The following PPP1R37 variants were observed in gnomAD, a reference collection of about 807,000 sequenced individuals.
PPP1R37 encodes protein phosphatase 1 regulatory subunit 37.
In PPP1R37, 21 loss-of-function variants were observed where a neutral mutation model predicts 61.0. That is an observed-to-expected ratio of 0.34 (90% CI 0.24 to 0.50). The LOEUF is 0.50. Among genes scored for constraint, PPP1R37 ranks in the 20% least tolerant of loss-of-function variants. PPP1R37 has a pLI of 0.98. For synonymous variants in PPP1R37, 443 were observed against 433.5 expected, an observed-to-expected ratio of 1.02 and a Z score of -0.27; for missense variants, 910 against 952.7, an observed-to-expected ratio of 0.96 and a Z score of 0.59.
Position 45,118,803 on chromosome 19 carries a change from G to A in PPP1R37, c.203-19711G>A, listed in dbSNP as rs148008017. Among the ~76,000 whole-genome samples the A allele has an allele frequency of 1.4e-3, 216 of 152,190 alleles. 1 individual carries two copies. The highest frequency in any genetic ancestry group is 9.8e-4 in the Admixed American group (15 of 15,278). ...CACGTTCACTGAGCACCTGCTGGCC[G>A]GGCCCCAGGGAGCCACCCAGGTGGC... On this transcript the variant is annotated intron_variant, in intron 1 of 12. Coordinates refer to ENST00000221462, the MANE Select transcript of PPP1R37 (RefSeq NM_019121.2).
intron 1 of PPP1R37, chr19:45,135,864 C>A (rs1968533677): frequency 6.7e-6 from 1 of 148,580 alleles, no homozygotes; most frequent in African/African-American, 2.5e-5. Context: ...CTCACTGTAA[C>A]CTCTGCCTCC....
At chr19:45,126,842 C>T (rs1049428914) in intron 1 of PPP1R37, among the ~76,000 whole-genome samples, 11 of 152,304 alleles carry the variant, frequency 7.2e-5, no homozygotes, top group South Asian at 2.1e-4. Flanking sequence ...GATTATCTGC[C>T]GGAAGCCTCA....
In PPP1R37 at chr19:45,145,739, C is replaced by T. The variant is rs535576738; in HGVS notation, c.1683C>T (p.Ser561=). The change falls in exon 11 of 13, where the codon AGC becomes AGT. Residue 561 remains serine (S), a synonymous_variant. Transcript: ENST00000221462. ...CCGAGCAGCGGATTTCCGTGTCCAGCCCGGGCCGGGGCCACAAGGTGTTTG... is the reference window on the plus strand; with the variant it reads ...CCGAGCAGCGGATTTCCGTGTCCAGTCCGGGCCGGGGCCACAAGGTGTTTG... ...TPTEQRISVS[S]PGRGHKVFVV... 2.0e-6 allele frequency: 3 copies of T among 1,530,440 alleles called. No homozygotes were observed. The highest frequency in any genetic ancestry group is 1.2e-5 in the South Asian group (1 of 83,166). The allele number at this position is 1,530,440 out of a possible 1,614,324, so 94.8% of individuals were successfully genotyped here.
At chr19:45,120,301 G>A (rs1188171702) in intron 1 of PPP1R37, among the ~76,000 whole-genome samples, 3 of 152,180 alleles carry the variant, frequency 2.0e-5, no homozygotes, top group African/African-American at 7.2e-5. Flanking sequence ...AGAGGCGTGA[G>A]CCACCGCACC....
chr19:45,135,666 C>T (rs558061996), intron 1 of PPP1R37, among the ~76,000 whole-genome samples: 6 of 152,094 alleles, frequency 3.9e-5, no homozygotes, highest in South Asian at 2.1e-4. Context: ...TTCACAGAGT[C>T]GATGCGTTCG....
intron 1 of PPP1R37, among the ~76,000 whole-genome samples, chr19:45,134,790 C>T (rs59876715): frequency 1.7e-3 from 259 of 152,220 alleles, no homozygotes; most frequent in African/African-American, 6.1e-3. Flanking sequence ...GCGGATGTGA[C>T]CTCCTCGGTC....
chr19:45,114,189 T>A (rs1029865490), intron 1 of PPP1R37, among the ~76,000 whole-genome samples: 20 of 152,370 alleles, frequency 1.3e-4, no homozygotes, highest in African/African-American at 3.8e-4. Context: ...CTGTGTCAAC[T>A]GGGGTCTGTT....
chr19:45,145,294 G>A, intron 10 of PPP1R37, 34 bp downstream of exon 10: 1 of 1,522,576 alleles, frequency 6.6e-7, no homozygotes, highest in Non-Finnish European at 8.8e-7. Flanking sequence ...CCCTGGGGCG[G>A]GCGGAAGGCC....
At chr19:45,140,752 G>C (rs1968600624) in intron 4 of PPP1R37, 146 bp downstream of exon 4, 1 of 629,166 alleles carries the variant, frequency 1.6e-6, no homozygotes, top group African/African-American at 1.8e-5. Context: ...TGCAGGGCAA[G>C]AGGGAGACAT....
Position 45,116,943 on chromosome 19 carries a change from C to T in PPP1R37, c.203-21571C>T, listed in dbSNP as rs369456222. On this transcript the variant is annotated intron_variant, in intron 1 of 12. Transcript: ENST00000221462. ...TTTTTTTTTTTTTGAGACAGAGTTT[C>T]GCTCTTTTTGCCCAGGCTGGAGTGC... 4.6e-5 allele frequency among the ~76,000 whole-genome samples: 6 copies of T among 129,320 alleles called. No individual in the cohort carries two copies. The East Asian group carries it at 6.5e-4, about 14-fold the overall frequency. The allele number at this position is 129,320 out of a possible 152,430, so 84.8% of individuals were successfully genotyped here. A position where few individuals can be genotyped will look rare whatever the true frequency, so the allele number is the denominator to read the frequency against.
intron 1 of PPP1R37, among the ~76,000 whole-genome samples, chr19:45,137,459 G>T (rs552304025): frequency 1.3e-5 from 2 of 151,472 alleles, no homozygotes; most frequent in Non-Finnish European, 2.9e-5. Context: ...CCTCCCTTCC[G>T]CATGGTGGCG....
At chr19:45,111,085 C>T (rs1968194032) in intron 1 of PPP1R37, among the ~76,000 whole-genome samples, 1 of 152,110 alleles carries the variant, frequency 6.6e-6, no homozygotes, top group Non-Finnish European at 1.5e-5. Flanking sequence ...TTGTCAAGCA[C>T]CTCGGTGCCC....
intron 1 of PPP1R37, among the ~76,000 whole-genome samples, chr19:45,112,409 T>C (rs1185413149): frequency 6.6e-6 from 1 of 152,244 alleles, no homozygotes; most frequent in Admixed American, 6.5e-5. Context: ...ACATTTGGCT[T>C]CTCAAGGTAA....
chr19:45,111,070 A>G (rs1227272680), intron 1 of PPP1R37, among the ~76,000 whole-genome samples: 1 of 152,024 alleles, frequency 6.6e-6, no homozygotes, highest in African/African-American at 2.4e-5. Flanking sequence ...TGACTCAGCA[A>G]ACCCTTGTCA....
intron 1 of PPP1R37, among the ~76,000 whole-genome samples, chr19:45,116,613 C>T (rs1043480319): frequency 2.6e-5 from 4 of 152,300 alleles, no homozygotes; most frequent in East Asian, 3.9e-4. Context: ...GGACGCATTG[C>T]GGGCTCCCTT....
intron 1 of PPP1R37, among the ~76,000 whole-genome samples, chr19:45,123,833 TGCC>T (rs1484203682): frequency 6.6e-6 from 1 of 152,204 alleles, no homozygotes. Context: ...CCCTCTCCCC[TGCC>T]TGCAGGCTTC....
intron 1 of PPP1R37, among the ~76,000 whole-genome samples, chr19:45,108,200 TC>T (rs1441794188): frequency 6.6e-6 from 1 of 152,150 alleles, no homozygotes; most frequent in Non-Finnish European, 1.5e-5. Flanking sequence ...TCTCTTTTTT[TC>T]TGCTTTTGAG....
chr19:45,103,292 A>G (rs142679860), intron 1 of PPP1R37, among the ~76,000 whole-genome samples: 132 of 152,338 alleles, frequency 8.7e-4, no homozygotes, highest in Non-Finnish European at 1.4e-3. Flanking sequence ...CGCACAGCTC[A>G]TGTGACTTGC....
intron 1 of PPP1R37, among the ~76,000 whole-genome samples, chr19:45,101,403 A>G (rs1441797371): frequency 6.6e-6 from 1 of 152,156 alleles, no homozygotes; most frequent in African/African-American, 2.4e-5. Flanking sequence ...CTGTGCTAGC[A>G]GGGAGCCCCA....
Sources: allele counts gnomAD v4.1 joint callset (sites outside exome capture counted in the v4.1 genomes callset), GRCh38; gene constraint gnomAD v4.1.1; transcripts MANE v1.5; gene names NCBI Gene and HGNC (gene_info 2026-07-23, HGNC 2026-07-21).